Variants in MAN2A1 observed in about 807,000 individuals in gnomAD.
MAN2A1 encodes the protein mannosidase alpha class 2A member 1, also known as alpha-mannosidase 2.
Under a neutral mutation model 142.6 loss-of-function variants are expected in MAN2A1, and 76 were observed. The observed-to-expected ratio is 0.53, with a 90% CI of 0.44 to 0.65. MAN2A1 has a LOEUF of 0.65. Ranked by LOEUF, MAN2A1 falls within the 30% of genes least tolerant of loss-of-function variation. The pLI, the probability that MAN2A1 is intolerant of heterozygous loss-of-function variation, is 0.00. For missense variants in MAN2A1, 1,311 were observed against 1,365.1 expected (o/e 0.96, Z 0.62); for synonymous variants, 559 against 473.2 (o/e 1.18, Z -2.35).
chr5:109,821,626 G>T (rs1754625954), intron 15 of MAN2A1, among the ~76,000 whole-genome samples: 1 of 152,104 alleles, frequency 6.6e-6, no homozygotes, highest in Non-Finnish European at 1.5e-5. Flanking sequence ...TAGTAAGTTA[G>T]TAGAAAAATA....
At chr5:109,739,134 G>T (rs1752193932) in intron 4 of MAN2A1, among the ~76,000 whole-genome samples, 1 of 152,082 alleles carries the variant, frequency 6.6e-6, no homozygotes, top group Non-Finnish European at 1.5e-5. Context: ...CAGCCACTGT[G>T]CTCAGTCCGT....
chr5:109,764,537 A>G (rs1324946186), intron 5 of MAN2A1, among the ~76,000 whole-genome samples: 1 of 152,166 alleles, frequency 6.6e-6, no homozygotes, highest in South Asian at 2.1e-4. Context: ...GCAGGACACT[A>G]GGTTCCTTTT....
In MAN2A1 at chr5:109,869,222, G is replaced by C. The variant is rs996179869; in HGVS notation, c.*2224G>C. 6.6e-6 allele frequency: 1 copy of C among 152,170 alleles called. No individual in the cohort carries two copies. Among genetic ancestry groups the C allele is most frequent in the Non-Finnish European group, 1.5e-5 (1 of 68,028 alleles). 9.4% of individuals were successfully genotyped at this position (152,170 alleles called of 1,614,324 possible). A position where few individuals can be genotyped will look rare whatever the true frequency, so the allele number is the denominator to read the frequency against. ...ACTAAAAACCATACACTTCAGTTGT[G>C]ATCTCAGTGGCATATTTATTTGGTT... On this transcript the variant is annotated 3_prime_UTR_variant, in exon 22 of 22. Transcript: ENST00000261483.
chr5:109,777,829 A>G (rs1007491034), intron 8 of MAN2A1, among the ~76,000 whole-genome samples: 1 of 152,206 alleles, frequency 6.6e-6, no homozygotes, highest in South Asian at 2.1e-4. Flanking sequence ...CCACAGCACC[A>G]CAGTGTCATC....
chr5:109,768,525 C>G (rs949355773), intron 6 of MAN2A1, among the ~76,000 whole-genome samples: 2 of 152,118 alleles, frequency 1.3e-5, no homozygotes, highest in African/African-American at 2.4e-5. Flanking sequence ...AGCCCAGGCT[C>G]CTAACCTCTG....
At chr5:109,728,429 T>A (rs903176204) in intron 3 of MAN2A1, among the ~76,000 whole-genome samples, 3 of 152,130 alleles carry the variant, frequency 2.0e-5, no homozygotes, top group East Asian at 3.9e-4. Flanking sequence ...ATACGATTTT[T>A]TAGATGGGAA....
intron 5 of MAN2A1, among the ~76,000 whole-genome samples, chr5:109,758,734 A>G (rs1252211689): frequency 6.7e-6 from 1 of 149,356 alleles, no homozygotes; most frequent in African/African-American, 2.4e-5. Flanking sequence ...TAATTGTTAT[A>G]TTAACTAAAA....
At chr5:109,758,588 A>C (rs756591696) in intron 5 of MAN2A1, among the ~76,000 whole-genome samples, 79 of 151,044 alleles carry the variant, frequency 5.2e-4, no homozygotes, top group Non-Finnish European at 8.0e-4. Flanking sequence ...ATCCTGAATT[A>C]TAAAGATGTA....
At position 109,847,794 on chromosome 5, in the gene MAN2A1, TG is replaced by T; in HGVS notation, c.2976+5del. On this transcript the variant is annotated splice_donor_5th_base_variant and intron_variant, in intron 19 of 21. Coordinates refer to ENST00000261483, the MANE Select transcript of MAN2A1 (RefSeq NM_002372.4). ...AAAAAGAAGTGCTGTTAATACGGTA[TG>T]AAAAAATAACTAGCATGATCTGATA... 1 of 1,518,310 alleles carries T rather than the reference TG, an allele frequency of 6.6e-7. No individual in the cohort carries two copies. 94.1% of individuals were successfully genotyped at this position (1,518,310 alleles called of 1,614,324 possible).
intron 5 of MAN2A1, among the ~76,000 whole-genome samples, chr5:109,762,364 G>A (rs552837466): frequency 4.6e-5 from 7 of 152,032 alleles, no homozygotes; most frequent in African/African-American, 1.7e-4. Flanking sequence ...CTCTTTCTTT[G>A]CTCCTTTTGT....
At chr5:109,697,387 T>A (rs545194863) in intron 1 of MAN2A1, among the ~76,000 whole-genome samples, 2 of 152,298 alleles carry the variant, frequency 1.3e-5, no homozygotes, top group Non-Finnish European at 2.9e-5. Flanking sequence ...TAAATAGCAT[T>A]TTTTACGAAA....
At chr5:109,852,352 CT>C (rs1755505876) in intron 19 of MAN2A1, among the ~76,000 whole-genome samples, 1 of 152,028 alleles carries the variant, frequency 6.6e-6, no homozygotes, top group South Asian at 2.1e-4. Flanking sequence ...ATTGCATTTG[CT>C]TATTAAATTA....
intron 3 of MAN2A1, among the ~76,000 whole-genome samples, chr5:109,724,097 G>A (rs965402772): frequency 4.6e-5 from 7 of 152,140 alleles, no homozygotes; most frequent in Non-Finnish European, 7.4e-5. Flanking sequence ...AATCAGCAGC[G>A]TATTTGAGTA....
intron 16 of MAN2A1, among the ~76,000 whole-genome samples, chr5:109,831,830 T>C (rs894211896): frequency 1.3e-5 from 2 of 152,070 alleles, no homozygotes; most frequent in Non-Finnish European, 2.9e-5. Context: ...TGTGTGTGTG[T>C]GTATTTATGT....
intron 13 of MAN2A1, 43 bp from the exon 14 acceptor site, chr5:109,819,626 A>G (rs372594621): frequency 1.6e-6 from 2 of 1,214,966 alleles, no homozygotes; most frequent in East Asian, 2.5e-5. Context: ...CTCTCAGTAG[A>G]TAACATTTAT....
chr5:109,785,610 G>C (rs945278625), intron 10 of MAN2A1, among the ~76,000 whole-genome samples: 1 of 151,962 alleles, frequency 6.6e-6, no homozygotes, highest in Admixed American at 6.6e-5. Context: ...CAGAGGACTT[G>C]GCAAACAGAG....
chr5:109,828,367 A>G (rs7708153), intron 16 of MAN2A1, among the ~76,000 whole-genome samples: 114,852 of 152,130 alleles, frequency 0.75, 44,424 homozygotes, highest in East Asian at 0.95. Flanking sequence ...GTTAATCTGT[A>G]ATTAGAAGAT....
At chr5:109,757,683 T>A (rs1001850410) in intron 5 of MAN2A1, among the ~76,000 whole-genome samples, 1 of 152,170 alleles carries the variant, frequency 6.6e-6, no homozygotes, top group Non-Finnish European at 1.5e-5. Flanking sequence ...TACCCAGTAG[T>A]AGTCACTCCC....
intron 3 of MAN2A1, among the ~76,000 whole-genome samples, chr5:109,718,172 C>T (rs940586937): frequency 6.6e-6 from 1 of 152,162 alleles, no homozygotes; most frequent in African/African-American, 2.4e-5. Context: ...TGATGTGATT[C>T]CATAGTGTAA....
Sources: gnomAD v4.1 joint callset for allele counts (sites outside exome capture counted in the v4.1 genomes callset) on GRCh38, gnomAD v4.1.1 for gene constraint, MANE v1.5 for transcripts, NCBI Gene and HGNC (gene_info 2026-07-23, HGNC 2026-07-21) for gene names.